Variants in MOCOS observed in about 807,000 individuals in gnomAD.
MOCOS encodes molybdenum cofactor sulfurase.
Under a neutral mutation model 83.6 loss-of-function variants are expected in MOCOS, and 86 were observed. The ratio of observed to expected loss-of-function variants is 1.03; its 90% CI spans 0.86 to 1.23. MOCOS has a LOEUF of 1.23. Among genes scored for constraint, MOCOS ranks in the 50% most tolerant of loss-of-function variants. MOCOS has a pLI of 0.00. For synonymous variants in MOCOS, 445 were observed against 434.7 expected, an observed-to-expected ratio of 1.02 and a Z score of -0.29; for missense variants, 1,120 against 1,126.9, an observed-to-expected ratio of 0.99 and a Z score of 0.09.
intron 9 of MOCOS, among the ~76,000 whole-genome samples, chr18:36,241,873 G>T (rs921580441): frequency 6.6e-6 from 1 of 152,226 alleles, no homozygotes; most frequent in African/African-American, 2.4e-5. Flanking sequence ...AGCCCAAGTT[G>T]TACCTTGGCC....
chr18:36,252,238 AG>A (rs1244916030), intron 11 of MOCOS, among the ~76,000 whole-genome samples: 1 of 152,076 alleles, frequency 6.6e-6, no homozygotes, highest in African/African-American at 2.4e-5. Flanking sequence ...TAGCATTTAG[AG>A]TTTGGGTGTG....
intron 9 of MOCOS, among the ~76,000 whole-genome samples, chr18:36,231,132 TA>T (rs1166942396): frequency 1.3e-5 from 2 of 152,208 alleles, no homozygotes; most frequent in Non-Finnish European, 2.9e-5. Flanking sequence ...CCAAAATTTT[TA>T]TCATGACTAA....
chr18:36,215,969 G>A lies in MOCOS; in HGVS notation c.1789G>A (p.Ala597Thr), dbSNP rs1289573087. The A allele has an allele frequency of 5.6e-6, 9 of 1,612,276 alleles. No homozygotes were observed. Among genetic ancestry groups the A allele is most frequent in the Admixed American group, 1.7e-5 (1 of 59,984 alleles). Residue 597 changes from alanine (A) to threonine (T), a missense_variant, in exon 8 of 15, where the codon GCA (alanine) becomes ACA (threonine). Transcript: ENST00000261326. ...TCTCTATCCAATCAAATCCTGTGCT[G>A]CATTTGAGGTAAGGAATTTCACAGC... The part of the protein sequence containing the change: ...LYLYPIKSCA[A>T]FEVTRWPVGN...
In MOCOS at chr18:36,187,561, T is replaced by C; in HGVS notation, c.22T>C (p.Ser8Pro). MAGAAAE[S>P]GRELWTFAGS... ...GGCCATGGCCGGCGCGGCGGCGGAG[T>C]CAGGGCGGGAGCTGTGGACCTTCGC... The change falls in exon 1 of 15, where the codon TCA becomes CCA. Residue 8 changes from serine to proline, a missense_variant. Physicochemically the swap from Ser to Pro is moderately conservative, Grantham distance 74 (BLOSUM62 -1). Coordinates refer to ENST00000261326, the MANE Select transcript of MOCOS (RefSeq NM_017947.4). The C allele has an allele frequency of 8.1e-7, 1 of 1,241,550 alleles. No individual in the cohort carries two copies. The highest frequency in any genetic ancestry group is 1.0e-6 in the Non-Finnish European group (1 of 992,788). 76.9% of individuals were successfully genotyped at this position (1,241,550 alleles called of 1,614,324 possible). A position where few individuals can be genotyped will look rare whatever the true frequency, so the allele number is the denominator to read the frequency against.
chr18:36,268,544 C>T lies in MOCOS; in HGVS notation c.2526C>T (p.Gly842=). The T allele has an allele frequency of 1.2e-6, 2 of 1,614,092 alleles. No homozygotes were observed. The highest frequency in any genetic ancestry group is 8.5e-7 in the Non-Finnish European group (1 of 1,180,016). The change falls in exon 15 of 15, where the codon GGC becomes GGT. Residue 842 remains glycine, a synonymous_variant. Transcript: ENST00000261326. ...SESRETKVNF[G]MYLMHASLDL... is the part of the protein sequence containing the mutation. ...TGTTTTGTTCACAGGTGAACTTTGGCATGTACCTGATGCATGCATCATTGG... is the reference window on the plus strand; with the variant it reads ...TGTTTTGTTCACAGGTGAACTTTGGTATGTACCTGATGCATGCATCATTGG...
chr18:36,217,023 T>G (rs960896310), intron 8 of MOCOS, among the ~76,000 whole-genome samples: 2 of 152,132 alleles, frequency 1.3e-5, no homozygotes, highest in African/African-American at 4.8e-5. Context: ...ATATCATGGT[T>G]GTGAAAGACA....
At chr18:36,267,286 A>T (rs2091685131) in intron 14 of MOCOS, among the ~76,000 whole-genome samples, 1 of 152,232 alleles carries the variant, frequency 6.6e-6, no homozygotes, top group Admixed American at 6.5e-5. Context: ...TTAAAACAAC[A>T]AAGTGTTGTT....
chr18:36,207,483 A>T (rs2091439083), intron 6 of MOCOS, among the ~76,000 whole-genome samples: 1 of 152,240 alleles, frequency 6.6e-6, no homozygotes, highest in East Asian at 1.9e-4. Context: ...ACCTTTTAAT[A>T]GCCATTCCAA....
chr18:36,221,727 TG>T (rs1203278649), intron 9 of MOCOS, among the ~76,000 whole-genome samples: 10 of 90,494 alleles, frequency 1.1e-4, no homozygotes, highest in Admixed American at 2.4e-4. Context: ...GATATCCCAT[TG>T]TTTTTTTTTT....
At chr18:36,234,546 A>C (rs534489986) in intron 9 of MOCOS, among the ~76,000 whole-genome samples, 19 of 152,032 alleles carry the variant, frequency 1.2e-4, no homozygotes, top group Middle Eastern at 3.4e-3. Context: ...TTTTAGGATC[A>C]TTTTTTCCTA....
In MOCOS at chr18:36,203,114, T is replaced by C; in HGVS notation, c.943T>C (p.Phe315Leu). Residue 315 changes from phenylalanine (F) to leucine (L), a missense_variant and splice_region_variant, in exon 5 of 15, where the codon TTT (phenylalanine) becomes CTT (leucine). By Grantham distance (22) the Phe-to-Leu change is conservative. Coordinates refer to ENST00000261326, the MANE Select transcript of MOCOS (RefSeq NM_017947.4). ...YIPRQSVAQR[F>L]EDGTISFLDV... is the part of the protein sequence containing the mutation. ...GTTCTCCTTACCCCGTGGTTATAGGTTTGAAGATGGCACCATCTCATTCCT... is the reference window on the plus strand; with the variant it reads ...GTTCTCCTTACCCCGTGGTTATAGGCTTGAAGATGGCACCATCTCATTCCT... 1.2e-6 allele frequency: 2 copies of C among 1,614,138 alleles called. No homozygotes were observed. Among genetic ancestry groups the C allele is most frequent in the Non-Finnish European group, 1.7e-6 (2 of 1,179,972 alleles).
intron 3 of MOCOS, 35 bp from the exon 4 acceptor site, chr18:36,199,648 A>C (rs780938891): frequency 2.5e-6 from 4 of 1,611,854 alleles, no homozygotes; most frequent in Non-Finnish European, 3.4e-6. Flanking sequence ...TGGGGCTGAG[A>C]TCCGCGGGTT....
intron 5 of MOCOS, among the ~76,000 whole-genome samples, chr18:36,204,210 T>A (rs2091425791): frequency 6.6e-6 from 1 of 152,168 alleles, no homozygotes; most frequent in Non-Finnish European, 1.5e-5. Context: ...AGAAACTCTG[T>A]ACCCATTAAA....
chr18:36,259,941 A>T, intron 12 of MOCOS, 96 bp from the exon 13 acceptor site: 1 of 1,511,900 alleles, frequency 6.6e-7, no homozygotes, highest in South Asian at 1.1e-5. Flanking sequence ...AGAGCTGATG[A>T]AGTTAGGTGT....
At chr18:36,247,505 G>A (rs1423714695) in intron 9 of MOCOS, among the ~76,000 whole-genome samples, 2 of 152,128 alleles carry the variant, frequency 1.3e-5, no homozygotes, top group East Asian at 1.9e-4. Context: ...CCTTCCCCAA[G>A]AACCCCTGTG....
intron 2 of MOCOS, among the ~76,000 whole-genome samples, chr18:36,197,083 A>G (rs1436914867): frequency 6.6e-6 from 1 of 152,100 alleles, no homozygotes; most frequent in African/African-American, 2.4e-5. Context: ...AGAAGTTAAG[A>G]GGAAGAGTGA....
intron 9 of MOCOS, among the ~76,000 whole-genome samples, chr18:36,241,562 A>T (rs917164009): frequency 1.3e-5 from 2 of 152,102 alleles, no homozygotes; most frequent in African/African-American, 4.8e-5. Flanking sequence ...CTGTTGGTGG[A>T]TCTATCATTC....
chr18:36,268,727 T>G lies in MOCOS; in HGVS notation c.*42T>G. ...AAAGTTTCTCTTTTACAGTGATCTC[T>G]ATTATTGTTAAGATCTGCAACTTGG... On this transcript the variant is annotated 3_prime_UTR_variant, in exon 15 of 15. Coordinates refer to ENST00000261326, the MANE Select transcript of MOCOS (RefSeq NM_017947.4). The G allele has an allele frequency of 4.0e-6, 6 of 1,510,002 alleles. No homozygotes were observed. Among genetic ancestry groups the G allele is most frequent in the Non-Finnish European group, 5.5e-6 (6 of 1,086,590 alleles). The allele number at this position is 1,510,002 out of a possible 1,614,324, so 93.5% of individuals were successfully genotyped here. A position where few individuals can be genotyped will look rare whatever the true frequency, so the allele number is the denominator to read the frequency against.
chr18:36,221,116 A>C (rs2091494334), intron 9 of MOCOS, among the ~76,000 whole-genome samples: 1 of 152,112 alleles, frequency 6.6e-6, no homozygotes, highest in African/African-American at 2.4e-5. Flanking sequence ...GTTTAGTAGA[A>C]CTTTCTGTGG....
Sources: allele counts gnomAD v4.1 joint callset (sites outside exome capture counted in the v4.1 genomes callset), GRCh38; gene constraint gnomAD v4.1.1; transcripts MANE v1.5; gene names NCBI Gene and HGNC (gene_info 2026-07-23, HGNC 2026-07-21).